The following SLC8A1 variants were observed in gnomAD, a reference collection of about 807,000 sequenced individuals.
The protein encoded by SLC8A1 is solute carrier family 8 member A1.
A neutral mutation model predicts 68.3 loss-of-function variants in SLC8A1; 18 were observed. The observed-to-expected ratio is 0.26, with a 90% CI of 0.18 to 0.39. SLC8A1 has a LOEUF of 0.39. SLC8A1 is among the 10% of genes least tolerant of loss of function. The probability of loss-of-function intolerance (pLI) is 1.00; values close to 1 mark genes in which losing one functional copy is unlikely to be tolerated. For synonymous variants in SLC8A1, 475 were observed against 415.5 expected (o/e 1.14, Z -1.74); for missense variants, 985 against 1,156.7 (o/e 0.85, Z 2.15).
At chr2:40,362,294 A>G (rs955390507) in intron 2 of SLC8A1, among the ~76,000 whole-genome samples, 1 of 152,112 alleles carries the variant, frequency 6.6e-6, no homozygotes, top group Non-Finnish European at 1.5e-5. Flanking sequence ...AAAAGAAAAA[A>G]AAACTTAGAT....
chr2:40,110,536 T>C (rs1036573697), exon 8 of SLC8A1: 1 of 152,186 alleles, frequency 6.6e-6, no homozygotes, highest in Non-Finnish European at 1.5e-5. Context: ...AATTTAATGA[T>C]TGGAATTTAT....
chr2:40,285,699 G>A (rs2068193235), intron 2 of SLC8A1, among the ~76,000 whole-genome samples: 1 of 152,144 alleles, frequency 6.6e-6, no homozygotes, highest in South Asian at 2.1e-4. Flanking sequence ...CTCATATAAG[G>A]TAGGGAAACT....
intron 1 of SLC8A1, among the ~76,000 whole-genome samples, chr2:40,459,955 T>A (rs1380929421): frequency 2.0e-5 from 3 of 152,216 alleles, no homozygotes; most frequent in Non-Finnish European, 4.4e-5. Flanking sequence ...AATCACCAAT[T>A]GCAAATTTGC....
At position 40,418,373 on chromosome 2, in the gene SLC8A1, C is replaced by A. The variant is rs1483353811; in HGVS notation, c.1808+10100G>T. Among the ~76,000 whole-genome samples the A allele has an allele frequency of 2.0e-5, 3 of 152,046 alleles. No individual in the cohort carries two copies. In the East Asian group the frequency reaches 5.8e-4, roughly 29 times the overall value. On this transcript the variant is annotated intron_variant, in intron 2 of 7. Transcript: ENST00000406785. ...AGCTTATAGCATCCCAGAAACAACC[C>A]ACAAAGGGTTCTTCTTTGCATAATA... is the stretch of plus-strand genomic sequence containing the variant.
At chr2:40,311,213 G>A (rs17025810) in intron 2 of SLC8A1, among the ~76,000 whole-genome samples, 27,465 of 151,890 alleles carry the variant, frequency 0.18, 3,147 homozygotes, top group East Asian at 0.37. Context: ...TAAATATCAC[G>A]TGATGACCAC....
intron 6 of SLC8A1, among the ~76,000 whole-genome samples, chr2:40,154,383 A>C (rs537142951): frequency 7.0e-6 from 1 of 142,154 alleles, no homozygotes; most frequent in African/African-American, 2.6e-5. Context: ...GGCTCACTGC[A>C]AGCTCTGCCT....
chr2:40,298,483 G>A (rs35336103), intron 2 of SLC8A1, among the ~76,000 whole-genome samples: 2,403 of 152,242 alleles, frequency 0.016, 32 homozygotes, highest in Non-Finnish European at 0.024. Flanking sequence ...AAGGGATTTT[G>A]GGGGTAGGAG....
At chr2:40,429,069 G>T in exon 2 of SLC8A1, 1 of 1,611,904 alleles carries the variant, frequency 6.2e-7, no homozygotes, top group Non-Finnish European at 8.5e-7. Flanking sequence ...TACTAACAGG[G>T]TCATTTTCAG....
intron 1 of SLC8A1, among the ~76,000 whole-genome samples, chr2:40,490,251 G>A (rs921042239): frequency 1.3e-5 from 2 of 152,110 alleles, no homozygotes; most frequent in Non-Finnish European, 2.9e-5. Flanking sequence ...TCATTAAAAA[G>A]CATGGCAAGA....
chr2:40,337,013 A>G (rs931861274), intron 2 of SLC8A1, among the ~76,000 whole-genome samples: 3 of 152,206 alleles, frequency 2.0e-5, no homozygotes, highest in Non-Finnish European at 4.4e-5. Flanking sequence ...AAGATGCCTA[A>G]GAAGATATGA....
chr2:40,191,548 C>A (rs1198377849), intron 2 of SLC8A1, among the ~76,000 whole-genome samples: 1 of 151,750 alleles, frequency 6.6e-6, no homozygotes, highest in Non-Finnish European at 1.5e-5. Context: ...TTTTTTGTTT[C>A]TTGTTTATGA....
chr2:40,300,467 T>C (rs191857787), intron 2 of SLC8A1, among the ~76,000 whole-genome samples: 3 of 152,328 alleles, frequency 2.0e-5, no homozygotes, highest in Admixed American at 6.5e-5. Flanking sequence ...ACATTCTACA[T>C]TTCTTATTTG....
At chr2:40,357,334 A>ATT (rs200240458) in intron 2 of SLC8A1, among the ~76,000 whole-genome samples, 1 of 146,162 alleles carries the variant, frequency 6.8e-6, no homozygotes, top group Non-Finnish European at 1.5e-5. Flanking sequence ...TCTACAAAAC[A>ATT]TTTTTTTTTT....
At chr2:40,455,742 T>A (rs1702962503), upstream of SLC8A1, among the ~76,000 whole-genome samples, 1 of 152,230 alleles carries the variant, frequency 6.6e-6, no homozygotes, top group Admixed American at 6.5e-5. Flanking sequence ...TAAGTGCTGT[T>A]GTTCCTCTTC....
chr2:40,279,868 GTTAT>G (rs950120146), intron 2 of SLC8A1, among the ~76,000 whole-genome samples: 13 of 152,144 alleles, frequency 8.5e-5, no homozygotes, highest in South Asian at 2.1e-4. Flanking sequence ...GTATGCATTT[GTTAT>G]TTAGTCTTCA....
At chr2:40,271,172 C>T (rs1316798888) in intron 2 of SLC8A1, among the ~76,000 whole-genome samples, 1 of 108,408 alleles carries the variant, frequency 9.2e-6, no homozygotes, top group Non-Finnish European at 1.7e-5. Context: ...ACCCCCAAGC[C>T]CCCCTCATAT....
chr2:40,269,642 G>T (rs2065778085), intron 2 of SLC8A1, among the ~76,000 whole-genome samples: 1 of 152,078 alleles, frequency 6.6e-6, no homozygotes, highest in Non-Finnish European at 1.5e-5. Flanking sequence ...TTTGAACCTT[G>T]GTCACGTCTT....
intron 6 of SLC8A1, among the ~76,000 whole-genome samples, chr2:40,154,299 C>CTT (rs57350879): frequency 6.8e-4 from 51 of 74,898 alleles, no homozygotes; most frequent in African/African-American, 1.6e-3. Context: ...TTTATTTATT[C>CTT]TTTTTTTTTT....
intron 1 of SLC8A1, among the ~76,000 whole-genome samples, chr2:40,507,208 C>A (rs1706427037): frequency 1.3e-5 from 2 of 151,890 alleles, no homozygotes; most frequent in Admixed American, 6.6e-5. Context: ...ATTCTTATCT[C>A]ATTTTCCAAT....
Sources: gnomAD v4.1 joint callset for allele counts (sites outside exome capture counted in the v4.1 genomes callset) on GRCh38, gnomAD v4.1.1 for gene constraint, MANE v1.5 for transcripts, NCBI Gene and HGNC (gene_info 2026-07-23, HGNC 2026-07-21) for gene names.